Variants in HMGB1 observed in about 807,000 individuals in gnomAD.
HMGB1 encodes high mobility group protein B1.
For missense variants in HMGB1, 79 were observed against 253.5 expected (o/e 0.31, Z 4.67); for synonymous variants, 81 against 84.0 (o/e 0.96, Z 0.19).
At chr13:30,616,297 T>A (rs1415127441) in intron 1 of HMGB1, among the ~76,000 whole-genome samples, 1 of 152,212 alleles carries the variant, frequency 6.6e-6, no homozygotes, top group African/African-American at 2.4e-5. Context: ...TCTGAAAAAA[T>A]ACCAAATTTA....
chr13:30,464,959 C>T (rs2043252993), intron 1 of HMGB1: 1 of 141,312 alleles, frequency 7.1e-6, no homozygotes, highest in East Asian at 2.2e-4. Flanking sequence ...GTGGGGGCCG[C>T]CCGAGGGCCC....
chr13:30,465,567 G>C (rs1341772746), intron 1 of HMGB1, among the ~76,000 whole-genome samples: 1 of 151,116 alleles, frequency 6.6e-6, no homozygotes, highest in Admixed American at 6.6e-5. Context: ...CGCGGGGCGC[G>C]GGGCTCCCGG....
intron 1 of HMGB1, among the ~76,000 whole-genome samples, chr13:30,563,532 C>A (rs534859058): frequency 1.5e-4 from 23 of 152,194 alleles, no homozygotes; most frequent in Non-Finnish European, 3.2e-4. Flanking sequence ...TCACTTGAGC[C>A]CAAGCAGGTT....
chr13:30,554,016 G>A, intron 1 of HMGB1: 1 of 1,481,590 alleles, frequency 6.7e-7, no homozygotes, highest in Non-Finnish European at 9.4e-7. Flanking sequence ...GAACCGCATT[G>A]TGGAGAAAGA....
chr13:30,604,255 AAAGAC>A (rs1178472068), intron 1 of HMGB1, among the ~76,000 whole-genome samples: 4 of 152,142 alleles, frequency 2.6e-5, no homozygotes, highest in Non-Finnish European at 4.4e-5. Context: ...GTTGTGAAGA[AAAGAC>A]AAGACATGAT....
At chr13:30,489,178 C>T (rs1040536565) in intron 1 of HMGB1, among the ~76,000 whole-genome samples, 10 of 152,122 alleles carry the variant, frequency 6.6e-5, no homozygotes, top group Non-Finnish European at 1.3e-4. Context: ...AACCCTAGAA[C>T]TTTAATTTCT....
chr13:30,498,918 G>T (rs1887673926), intron 1 of HMGB1, among the ~76,000 whole-genome samples: 1 of 150,436 alleles, frequency 6.6e-6, no homozygotes, highest in South Asian at 2.1e-4. Flanking sequence ...AAAGTGCTGG[G>T]ATTACAAGTG....
chr13:30,600,939 C>T (rs994531852), intron 1 of HMGB1, among the ~76,000 whole-genome samples: 2 of 152,186 alleles, frequency 1.3e-5, no homozygotes, highest in African/African-American at 4.8e-5. Flanking sequence ...CAAGCCATCA[C>T]TTCCCCTGTG....
chr13:30,489,780 G>C (rs1488545492), intron 1 of HMGB1, among the ~76,000 whole-genome samples: 1 of 150,066 alleles, frequency 6.7e-6, no homozygotes, highest in Non-Finnish European at 1.5e-5. Context: ...TGTCGCCCAG[G>C]CTGGAGTGCA....
chr13:30,610,350 A>G lies in HMGB1; in HGVS notation c.-15+6321T>C, dbSNP rs371586921. The stretch of plus-strand genomic sequence containing the variant: ...TATATATGGTAAGTGCAACAACTCT[A>G]GAAGAGAGTGCTAGGAGTTGGAAAA... On this transcript the variant is annotated intron_variant, in intron 1 of 4. Coordinates refer to the HMGB1 transcript ENST00000405805. Among the ~76,000 whole-genome samples the G allele has an allele frequency of 1.4e-4, 22 of 152,340 alleles. 1 individual carries two copies. The highest frequency in any genetic ancestry group is 5.1e-4 in the African/African-American group (21 of 41,570).
At chr13:30,532,895 T>C (rs1555238177) in intron 1 of HMGB1, among the ~76,000 whole-genome samples, 1 of 152,212 alleles carries the variant, frequency 6.6e-6, no homozygotes, top group East Asian at 1.9e-4. Flanking sequence ...CTTCCACAGA[T>C]GAGCTCCTAG....
Position 30,481,355 on chromosome 13 carries a change from C to T in HMGB1, c.-14-17661G>A, listed in dbSNP as rs569465946. ...AAGGGGAAGAGTGAAGGCTGGAGAG[C>T]GGAAGCCAATGCCAAAACATTCCGA... On this transcript the variant is annotated intron_variant, in intron 1 of 4. Transcript: ENST00000405805. Among the ~76,000 whole-genome samples the T allele has an allele frequency of 5.3e-5, 8 of 152,022 alleles. No individual in the cohort carries two copies. In the South Asian group the frequency reaches 6.2e-4, roughly 12 times the overall value.
chr13:30,471,910 G>A (rs1191467282), intron 1 of HMGB1, among the ~76,000 whole-genome samples: 4 of 147,920 alleles, frequency 2.7e-5, no homozygotes, highest in African/African-American at 7.5e-5. Context: ...CAGGTGATCC[G>A]CCCGCCTAAG....
chr13:30,537,824 C>T (rs1051658444), intron 1 of HMGB1, among the ~76,000 whole-genome samples: 34 of 151,458 alleles, frequency 2.2e-4, no homozygotes, highest in Non-Finnish European at 4.0e-4. Flanking sequence ...TTCTGTTGGA[C>T]GGCATAAGAC....
intron 1 of HMGB1, chr13:30,464,787 G>GTGTGTGTA: frequency 4.4e-6 from 1 of 229,112 alleles, no homozygotes; most frequent in South Asian, 1.6e-4. Flanking sequence ...GTGTGTGTGT[G>GTGTGTGTA]TATGAGAGAG....
At chr13:30,570,505 A>C (rs899510482) in intron 1 of HMGB1, among the ~76,000 whole-genome samples, 1 of 152,176 alleles carries the variant, frequency 6.6e-6, no homozygotes, top group African/African-American at 2.4e-5. Flanking sequence ...AATTTCAGTA[A>C]GTGTTTATCA....
chr13:30,499,464 C>T (rs1887687428), intron 1 of HMGB1, among the ~76,000 whole-genome samples: 1 of 152,182 alleles, frequency 6.6e-6, no homozygotes. Flanking sequence ...TCTCACCCTT[C>T]CTTCATTTTG....
chr13:30,537,795 C>CTCTGTTGAACAGATGTAGT (rs1435486227), intron 1 of HMGB1, among the ~76,000 whole-genome samples: 1 of 150,924 alleles, frequency 6.6e-6, no homozygotes, highest in Non-Finnish European at 1.5e-5. Flanking sequence ...TGTACACGCC[C>CTCTGTTGAACAGATGTAGT]TCTGTTGAAC....
At chr13:30,514,277 C>T (rs369428766) in intron 1 of HMGB1, among the ~76,000 whole-genome samples, 1 of 151,318 alleles carries the variant, frequency 6.6e-6, no homozygotes, top group East Asian at 2.0e-4. Context: ...CTGAGCTGTA[C>T]TGAGCTGCAG....
Sources: allele counts gnomAD v4.1 joint callset (sites outside exome capture counted in the v4.1 genomes callset), GRCh38; gene constraint gnomAD v4.1.1; transcripts MANE v1.5; gene names NCBI Gene and HGNC (gene_info 2026-07-23, HGNC 2026-07-21).